The following NEK10 variants were observed in gnomAD, a reference collection of about 807,000 sequenced individuals.
NEK10 encodes the protein NIMA related kinase 10, also known as serine/threonine-protein kinase Nek10.
In NEK10, 122 loss-of-function variants were observed where a neutral mutation model predicts 159.8. That is an observed-to-expected ratio of 0.76 (90% CI 0.66 to 0.89). The LOEUF (loss-of-function observed/expected upper bound fraction) is 0.89, where lower values mean the gene tolerates loss of function less well. NEK10 is among the 40% of genes least tolerant of loss of function. The pLI is 0.00. For synonymous variants in NEK10, 466 were observed against 457.1 expected (o/e 1.02, Z -0.25); for missense variants, 1,342 against 1,323.1 (o/e 1.01, Z -0.22).
At chr3:27,293,539 T>C in intron 16 of NEK10, 49 bp downstream of exon 16, 1 of 980,888 alleles carries the variant, frequency 1.0e-6, no homozygotes, top group Non-Finnish European at 1.6e-6. Flanking sequence ...CAGTTCAATC[T>C]AATGATCTCC....
chr3:27,253,436 T>G (rs909208593), intron 23 of NEK10, among the ~76,000 whole-genome samples: 6 of 152,158 alleles, frequency 3.9e-5, no homozygotes, highest in Non-Finnish European at 7.3e-5. Context: ...ATTTGGATAT[T>G]TTTTTCCCTT....
At position 27,109,655 on chromosome 3, in the gene NEK10, CT is replaced by C; in HGVS notation, c.*1616del. Among the ~76,000 whole-genome samples the C allele has an allele frequency of 6.6e-6, 1 of 152,114 alleles. No individual in the cohort carries two copies. Among genetic ancestry groups the C allele is most frequent in the Non-Finnish European group, 1.5e-5 (1 of 68,014 alleles). ...AGAAGAAATGTGCCCCTTTCATACA[CT>C]GAAAGATAAAAAGAATTATAAGTGC... On this transcript the variant is annotated 3_prime_UTR_variant, in exon 36 of 36. Transcript: ENST00000691995.
At chr3:27,180,880 C>T (rs1356790377) in intron 26 of NEK10, among the ~76,000 whole-genome samples, 1 of 152,068 alleles carries the variant, frequency 6.6e-6, no homozygotes, top group Admixed American at 6.6e-5. Context: ...CATTTTAAAG[C>T]CTAGTGGTGC....
At chr3:27,321,534 A>C (rs2045634952) in intron 6 of NEK10, among the ~76,000 whole-genome samples, 1 of 152,152 alleles carries the variant, frequency 6.6e-6, no homozygotes, top group Non-Finnish European at 1.5e-5. Flanking sequence ...TTAGCCGGAC[A>C]TGGTGGCACG....
intron 23 of NEK10, among the ~76,000 whole-genome samples, chr3:27,249,759 G>T (rs1046875763): frequency 6.6e-6 from 1 of 151,974 alleles, no homozygotes; most frequent in Non-Finnish European, 1.5e-5. Context: ...CTGCCATTTT[G>T]TCATTTATGT....
Position 27,141,496 on chromosome 3 carries a change from T to C in NEK10, c.2956A>G (p.Ile986Val), listed in dbSNP as rs773052622. 52 of 1,612,370 alleles carry C rather than the reference T, an allele frequency of 3.2e-5. No individual in the cohort carries two copies. Among genetic ancestry groups the C allele is most frequent in the Admixed American group, 1.0e-4 (6 of 59,940 alleles). ...QQILIQLHKIIYITQLPPALH... is the reference protein window; with the variant it reads ...QQILIQLHKIVYITQLPPALH... ...AGAACACTGACCTGTGTGATATAGA[T>C]TATTTTGTGCAGCTGAATTAATATC... Residue 986 changes from isoleucine (I) to valine (V), a missense_variant, in exon 31 of 36, where the codon ATC becomes GTC. By Grantham distance (29) the Ile-to-Val change is conservative. Coordinates refer to ENST00000691995, the MANE Select transcript of NEK10 (RefSeq NM_001394966.1).
At chr3:27,339,429 C>A (rs2149756524) in intron 5 of NEK10, among the ~76,000 whole-genome samples, 1 of 152,190 alleles carries the variant, frequency 6.6e-6, no homozygotes, top group East Asian at 1.9e-4. Flanking sequence ...ATTTATGTAG[C>A]CAACAAACAT....
intron 25 of NEK10, among the ~76,000 whole-genome samples, chr3:27,196,383 C>T (rs532598311): frequency 1.3e-5 from 2 of 152,290 alleles, no homozygotes; most frequent in East Asian, 3.9e-4. Context: ...CTGAATAAAG[C>T]CCTTTCCTTC....
chr3:27,352,578 G>T, intron 2 of NEK10, 53 bp from the exon 3 acceptor site: 1 of 1,341,152 alleles, frequency 7.5e-7, no homozygotes, highest in South Asian at 1.2e-5. Flanking sequence ...AGGTGAACAA[G>T]ATCGTGTTAC....
chr3:27,315,026 T>TA (rs1257206045), intron 6 of NEK10, among the ~76,000 whole-genome samples: 1 of 152,232 alleles, frequency 6.6e-6, no homozygotes, highest in Non-Finnish European at 1.5e-5. Context: ...TGTCTCCTGA[T>TA]ACAGGACTTT....
intron 32 of NEK10, among the ~76,000 whole-genome samples, chr3:27,121,810 C>T (rs1485274991): frequency 6.6e-6 from 1 of 151,904 alleles, no homozygotes; most frequent in African/African-American, 2.4e-5. Context: ...TGTAATGTGG[C>T]CGTACAAAGG....
intron 6 of NEK10, among the ~76,000 whole-genome samples, chr3:27,319,907 G>A (rs996614474): frequency 6.6e-6 from 1 of 152,134 alleles, no homozygotes; most frequent in Non-Finnish European, 1.5e-5. Flanking sequence ...TGGAAGAGCC[G>A]CTATGGACCC....
At chr3:27,215,696 G>C (rs1951444718) in intron 23 of NEK10, 1 of 671,962 alleles carries the variant, frequency 1.5e-6, no homozygotes, top group Non-Finnish European at 2.7e-6. Context: ...CCTGAGACTA[G>C]GTAATTTAGA....
chr3:27,206,439 G>C (rs958454892), intron 23 of NEK10: 3 of 179,460 alleles, frequency 1.7e-5, no homozygotes, highest in Non-Finnish European at 2.1e-5. Flanking sequence ...GAATAAAGGA[G>C]GTCTGGAGAG....
At chr3:27,156,937 T>TAC (rs1945513396) in intron 30 of NEK10, among the ~76,000 whole-genome samples, 2 of 41,074 alleles carry the variant, frequency 4.9e-5, no homozygotes, top group African/African-American at 2.4e-4. Context: ...CTGATATATA[T>TAC]ATATATATAT....
intron 1 of NEK10, among the ~76,000 whole-genome samples, chr3:27,365,554 T>C (rs571831392): frequency 6.6e-6 from 1 of 152,060 alleles, no homozygotes; most frequent in East Asian, 1.9e-4. Context: ...CTATGTATTT[T>C]ATCCAGTGCT....
At chr3:27,159,236 G>A (rs549295979) in intron 30 of NEK10, among the ~76,000 whole-genome samples, 21 of 152,190 alleles carry the variant, frequency 1.4e-4, no homozygotes, top group Non-Finnish European at 3.1e-4. Flanking sequence ...TTACAGCAAA[G>A]ACAACAGACC....
At chr3:27,306,227 T>C (rs1320738290) in intron 11 of NEK10, among the ~76,000 whole-genome samples, 2 of 152,196 alleles carry the variant, frequency 1.3e-5, no homozygotes, top group Non-Finnish European at 2.9e-5. Context: ...TGGGATTCTT[T>C]TGAACACCAG....
intron 23 of NEK10, among the ~76,000 whole-genome samples, chr3:27,249,725 T>C (rs1349826877): frequency 1.3e-5 from 2 of 152,180 alleles, no homozygotes; most frequent in Non-Finnish European, 2.9e-5. Context: ...TTCAATGTTA[T>C]TATTGATAAG....
Sources: allele counts gnomAD v4.1 joint callset (sites outside exome capture counted in the v4.1 genomes callset), GRCh38; gene constraint gnomAD v4.1.1; transcripts MANE v1.5; gene names NCBI Gene and HGNC (gene_info 2026-07-23, HGNC 2026-07-21).